Variants in EXOSC10 observed in about 807,000 individuals in gnomAD.
EXOSC10 encodes exosome component 10.
A neutral mutation model predicts 126.6 loss-of-function variants in EXOSC10; 94 were observed. That is an observed-to-expected ratio of 0.74 (90% CI 0.63 to 0.88). The LOEUF (loss-of-function observed/expected upper bound fraction) is 0.88, where lower values mean the gene tolerates loss of function less well. EXOSC10 is among the 40% of genes least tolerant of loss of function. The probability of loss-of-function intolerance (pLI) is 0.00; values close to 1 mark genes in which losing one functional copy is unlikely to be tolerated. For synonymous variants in EXOSC10, 395 were observed against 400.8 expected, an observed-to-expected ratio of 0.99 and a Z score of 0.17; for missense variants, 1,041 against 1,100.5, an observed-to-expected ratio of 0.95 and a Z score of 0.77.
At chr1:11,086,033 T>C (rs1268223515) in intron 9 of EXOSC10, among the ~76,000 whole-genome samples, 1 of 151,238 alleles carries the variant, frequency 6.6e-6, no homozygotes, top group African/African-American at 2.4e-5. Context: ...CAGTATTTTA[T>C]TGAGGATTTT....
intron 16 of EXOSC10, 93 bp from the exon 17 acceptor site, chr1:11,077,041 G>T: frequency 2.2e-6 from 2 of 899,580 alleles, no homozygotes; most frequent in African/African-American, 1.6e-5. Context: ...CCCTAGGCTG[G>T]AGTACAATGG....
In EXOSC10 at chr1:11,082,871, T is replaced by C. The variant is rs758354496; in HGVS notation, c.1097A>G (p.His366Arg). The C allele has an allele frequency of 3.7e-6, 6 of 1,613,946 alleles. No homozygotes were observed. Among genetic ancestry groups the C allele is most frequent in the South Asian group, 3.3e-5 (3 of 91,084 alleles). Residue 366 changes from histidine to arginine, a missense_variant, in exon 10 of 25, where the codon CAT (histidine) becomes CGT (arginine). Transcript: ENST00000376936. ...LTDPAIVKVF[H>R]GADSDIEWLQ... ...CCATTCTATGTCTGAATCAGCACCATGAAAGACCTGAAAACAGAACCAAAG... is the reference window on the plus strand; with the variant it reads ...CCATTCTATGTCTGAATCAGCACCACGAAAGACCTGAAAACAGAACCAAAG...
rs1641212345 is a variant in EXOSC10, at chr1:11,098,042, G to A, written c.226C>T (p.Gln76Ter). 1 of 1,611,588 alleles carries A rather than the reference G, an allele frequency of 6.2e-7. No homozygotes were observed. The highest frequency in any genetic ancestry group is 1.3e-5 in the African/African-American group (1 of 74,792). ...FPGFQAFCET[Q>*]GDRLLQCMSR... ...TACCACTGAAGCAACCTGTCTCCCT[G>A]TGTTTCGCAAAATGCTTGGAAGCCA... The change falls in exon 2 of 25, where the codon CAG becomes TAG. Residue 76 changes from glutamine (Q) to a stop codon, truncating the protein, a stop_gained. Transcript: ENST00000376936. LOFTEE classifies it high-confidence loss of function.
chr1:11,070,729 T>C (rs912435796), intron 21 of EXOSC10, 171 bp downstream of exon 21: 1 of 608,514 alleles, frequency 1.6e-6, no homozygotes, highest in Non-Finnish European at 2.9e-6. Flanking sequence ...ATCAATCTTG[T>C]GGAGGTTTCG....
At chr1:11,078,090 C>T (rs985245544) in intron 14 of EXOSC10, among the ~76,000 whole-genome samples, 2 of 152,018 alleles carry the variant, frequency 1.3e-5, no homozygotes, top group Non-Finnish European at 2.9e-5. Context: ...CTGGGAAACA[C>T]AGCAAGACCC....
intron 23 of EXOSC10, 106 bp from the exon 24 acceptor site, chr1:11,068,190 T>C: frequency 1.2e-6 from 1 of 829,870 alleles, no homozygotes; most frequent in Non-Finnish European, 2.0e-6. Flanking sequence ...AGCACAGGAG[T>C]GACTTTAGAT....
chr1:11,068,557 C>T (rs1639249476), intron 23 of EXOSC10, 88 bp downstream of exon 23: 2 of 986,782 alleles, frequency 2.0e-6, no homozygotes, highest in Non-Finnish European at 3.3e-6. Flanking sequence ...AAGGAATGGA[C>T]TCCTGGATGG....
chr1:11,087,726 TA>T (rs1557711892), intron 8 of EXOSC10, 73 bp downstream of exon 8: 3 of 1,472,104 alleles, frequency 2.0e-6, no homozygotes, highest in Non-Finnish European at 2.8e-6. Context: ...CAATTAGTAT[TA>T]ATTTTATACT....
chr1:11,086,576 TCTC>T (rs1183191375), intron 9 of EXOSC10, among the ~76,000 whole-genome samples: 17 of 152,072 alleles, frequency 1.1e-4, no homozygotes, highest in Admixed American at 1.1e-3. Flanking sequence ...GAAGTAAAGC[TCTC>T]CTCAGCAGAT....
chr1:11,089,346 G>T (rs572355395), intron 6 of EXOSC10, among the ~76,000 whole-genome samples: 3 of 151,380 alleles, frequency 2.0e-5, no homozygotes, highest in African/African-American at 7.3e-5. Flanking sequence ...GCGGTGGCTC[G>T]GGCCTGTAAT....
intron 12 of EXOSC10, 62 bp from the exon 13 acceptor site, chr1:11,080,611 G>C: frequency 1.9e-6 from 3 of 1,584,226 alleles, no homozygotes; most frequent in South Asian, 1.1e-5. Flanking sequence ...CACACGGTGG[G>C]GACACATTAC....
chr1:11,080,649 T>G (rs1406411606), intron 12 of EXOSC10, 100 bp from the exon 13 acceptor site: 3 of 1,603,164 alleles, frequency 1.9e-6, no homozygotes, highest in Non-Finnish European at 2.5e-6. Context: ...CATTAGATGC[T>G]GTCACATAGG....
Position 11,081,111 on chromosome 1 carries a change from A to G in EXOSC10, c.1408T>C (p.Trp470Arg). 2.5e-6 allele frequency: 4 copies of G among 1,614,166 alleles called. No homozygotes were observed. The highest frequency in any genetic ancestry group is 3.4e-6 in the Non-Finnish European group (4 of 1,180,026). The change falls in exon 11 of 25, where the codon TGG (tryptophan) becomes CGG (arginine). Residue 470 changes from tryptophan (W) to arginine (R), a missense_variant. Coordinates refer to ENST00000376936, the MANE Select transcript of EXOSC10 (RefSeq NM_001001998.3). Reference protein sequence around the residue: ...NGQPVQLQVVWQRSRDICLKK... With the variant: ...NGQPVQLQVVRQRSRDICLKK... ...AGGCAGATGTCCCTGCTCCGTTGCC[A>G]CACCACCTGCAGCTGCACCGGCTGC...
intron 19 of EXOSC10, 129 bp downstream of exon 19, chr1:11,073,805 G>C: frequency 2.9e-6 from 2 of 679,738 alleles, no homozygotes; most frequent in Non-Finnish European, 2.5e-6. Flanking sequence ...TTGAACCTGG[G>C]AGGTGGAGGT....
chr1:11,074,756 T>C (rs537514070), intron 17 of EXOSC10, among the ~76,000 whole-genome samples: 3 of 152,250 alleles, frequency 2.0e-5, no homozygotes, highest in Middle Eastern at 3.4e-3. Context: ...AGGCTAATTT[T>C]TCATACACTC....
chr1:11,071,503 G>A (rs1398577360), intron 20 of EXOSC10: 3 of 165,410 alleles, frequency 1.8e-5, no homozygotes, highest in Non-Finnish European at 3.9e-5. Context: ...ATCCCCTCTC[G>A]CCTGAGCCAC....
In EXOSC10 at chr1:11,080,888, C is replaced by A. The variant is rs1411713658; in HGVS notation, c.1462G>T (p.Asp488Tyr). The A allele has an allele frequency of 6.2e-7, 1 of 1,608,720 alleles. No individual in the cohort carries two copies. The highest frequency in any genetic ancestry group is 1.3e-5 in the African/African-American group (1 of 74,614). The change falls in exon 12 of 25, where the codon GAT becomes TAT. Residue 488 changes from aspartate (D) to tyrosine (Y), a missense_variant. Physicochemically the swap from Asp to Tyr is radical, Grantham distance 160. This residue lies in a region of EXOSC10 where 645 missense variants were observed against 656.3 expected (regional missense o/e 0.98). Coordinates refer to ENST00000376936, the MANE Select transcript of EXOSC10 (RefSeq NM_001001998.3). ...LKKFIKPIFT[D>Y]ESYLELYRKQ... is the part of the protein sequence containing the mutation. ...CTATAGAGTTCAAGGTAGGACTCAT[C>A]CGTGAAGATAGGTTTGATGAATTTC...
rs185352477 is a variant in EXOSC10, at chr1:11,080,431, A to G, written c.1637+68T>C. ...AGCCTTGGGTAATAGCAACCAGAAA[A>G]GCTTGATTTTGAAGAACATCAGATC... On this transcript the variant is annotated intron_variant, in intron 13 of 24. Transcript: ENST00000376936. The G allele has an allele frequency of 2.2e-3, 3,502 of 1,591,096 alleles. 12 individuals are homozygous for G. The highest frequency in any genetic ancestry group is 2.7e-3 in the Non-Finnish European group (3,138 of 1,161,608).
chr1:11,095,287 AT>A (rs1641015721), intron 3 of EXOSC10: 1 of 152,044 alleles, frequency 6.6e-6, no homozygotes, highest in Non-Finnish European at 1.5e-5. Context: ...TTTAGAAAAA[AT>A]ATACCAACTA....
Sources: allele counts gnomAD v4.1 joint callset (sites outside exome capture counted in the v4.1 genomes callset), GRCh38; gene constraint gnomAD v4.1.1; regional missense constraint gnomAD v4.1.1; transcripts MANE v1.5; gene names NCBI Gene and HGNC (gene_info 2026-07-23, HGNC 2026-07-21).